The following B3GALT1 variants were observed in gnomAD, a reference collection of about 807,000 sequenced individuals.
B3GALT1 encodes beta-1,3-galactosyltransferase 1.
Under a neutral mutation model 23.2 loss-of-function variants are expected in B3GALT1, and 10 were observed. The observed-to-expected ratio is 0.43, with a 90% CI of 0.27 to 0.73. The LOEUF (loss-of-function observed/expected upper bound fraction) is 0.73. Ranked by LOEUF, B3GALT1 falls within the 30% of genes least tolerant of loss-of-function variation. The pLI is 0.21. For synonymous variants in B3GALT1, 156 were observed against 141.5 expected (o/e 1.10, Z -0.73); for missense variants, 299 against 405.4 (o/e 0.74, Z 2.25).
chr2:167,652,741 G>A (rs1685888998), intron 3 of B3GALT1, among the ~76,000 whole-genome samples: 1 of 152,020 alleles, frequency 6.6e-6, no homozygotes, highest in African/African-American at 2.4e-5. Flanking sequence ...TGCTTTTTCA[G>A]GCCAGACCCA....
intron 4 of B3GALT1, among the ~76,000 whole-genome samples, chr2:167,846,949 C>A (rs1689774084): frequency 6.6e-6 from 1 of 152,144 alleles, no homozygotes; most frequent in Non-Finnish European, 1.5e-5. Context: ...ATGAGCAGGA[C>A]TAGCTATTCT....
chr2:167,829,671 T>C lies in B3GALT1; in HGVS notation c.-230+10878T>C, dbSNP rs113033439. ...GAAAAGTCTCAGTTGATGCCTTTCC[T>C]TCTCTCCTCCTTTGTTGATATCCTT... On this transcript the variant is annotated intron_variant, in intron 4 of 4. Transcript: ENST00000392690. Among the ~76,000 whole-genome samples, 543 of 152,298 alleles carry C rather than the reference T, an allele frequency of 3.6e-3. 4 individuals carry two copies. Among genetic ancestry groups the C allele is most frequent in the African/African-American group, 0.012 (511 of 41,552 alleles).
At chr2:167,772,068 A>G (rs1688080857) in intron 3 of B3GALT1, among the ~76,000 whole-genome samples, 1 of 152,186 alleles carries the variant, frequency 6.6e-6, no homozygotes, top group African/African-American at 2.4e-5. Context: ...GGGCTCACTA[A>G]TGACTGACGG....
At chr2:167,785,420 G>T (rs1004369) in intron 3 of B3GALT1, among the ~76,000 whole-genome samples, 42,922 of 151,958 alleles carry the variant, frequency 0.28, 7,416 homozygotes, top group African/African-American at 0.48. Flanking sequence ...GTATTTGTTT[G>T]CAGATTTCAG....
intron 3 of B3GALT1, among the ~76,000 whole-genome samples, chr2:167,718,558 A>C (rs1473397278): frequency 6.6e-6 from 1 of 152,234 alleles, no homozygotes; most frequent in Admixed American, 6.5e-5. Flanking sequence ...AGATAGTTTA[A>C]CAAGATACAA....
At chr2:167,426,397 C>T (rs949589261) in intron 1 of B3GALT1, among the ~76,000 whole-genome samples, 5 of 151,724 alleles carry the variant, frequency 3.3e-5, no homozygotes, top group South Asian at 2.1e-4. Flanking sequence ...GGCTCTGCCT[C>T]GCGAGTAGCT....
At chr2:167,375,333 T>C (rs189825231) in intron 1 of B3GALT1, among the ~76,000 whole-genome samples, 98 of 152,280 alleles carry the variant, frequency 6.4e-4, no homozygotes, top group African/African-American at 2.4e-3. Context: ...TCTTTTTTAG[T>C]TCCATATGAA....
rs1688070116 is a variant in B3GALT1, at chr2:167,771,374, G to C, written c.-351-47298G>C. ...GGAGGCCGAGGCGGGCAGCTCACTTGAGGTCAACAGTTTGAGACCAGCCTG... is the reference window on the plus strand; with the variant it reads ...GGAGGCCGAGGCGGGCAGCTCACTTCAGGTCAACAGTTTGAGACCAGCCTG... On this transcript the variant is annotated intron_variant, in intron 3 of 4. Coordinates refer to ENST00000392690, the MANE Select transcript of B3GALT1 (RefSeq NM_020981.4). 1.3e-5 allele frequency among the ~76,000 whole-genome samples: 2 copies of C among 152,144 alleles called. 1 individual carries two copies. The highest frequency in any genetic ancestry group is 4.1e-4 in the South Asian group (2 of 4,820).
In B3GALT1 at chr2:167,781,209, T is replaced by G. The variant is rs189667008; in HGVS notation, c.-351-37463T>G. The stretch of plus-strand genomic sequence containing the variant: ...AATAAGCCCTACTAAGAATTTTTAG[T>G]ATTTTTTAATACTCAGAGTTCTTTA... On this transcript the variant is annotated intron_variant, in intron 3 of 4. Coordinates refer to ENST00000392690, the MANE Select transcript of B3GALT1 (RefSeq NM_020981.4). Among the ~76,000 whole-genome samples the G allele has an allele frequency of 2.9e-3, 440 of 152,306 alleles. 3 individuals are homozygous for G. The highest frequency in any genetic ancestry group is 0.01 in the African/African-American group (416 of 41,562).
chr2:167,706,945 A>G (rs1410969052), intron 3 of B3GALT1, among the ~76,000 whole-genome samples: 4 of 152,252 alleles, frequency 2.6e-5, no homozygotes, highest in Non-Finnish European at 4.4e-5. Flanking sequence ...GGTAATAACA[A>G]TGTCGCATTT....
intron 3 of B3GALT1, among the ~76,000 whole-genome samples, chr2:167,818,202 A>T (rs1689035742): frequency 6.6e-6 from 1 of 152,114 alleles, no homozygotes; most frequent in South Asian, 2.1e-4. Flanking sequence ...AAAGTACAAA[A>T]CTCAAAATAT....
At chr2:167,396,325 G>C (rs904935060) in intron 1 of B3GALT1, among the ~76,000 whole-genome samples, 2 of 151,968 alleles carry the variant, frequency 1.3e-5, no homozygotes, top group Non-Finnish European at 2.9e-5. Flanking sequence ...ATTTTCTTTG[G>C]CAACACACTT....
chr2:167,464,014 A>C (rs962142921), intron 1 of B3GALT1, among the ~76,000 whole-genome samples: 1 of 152,190 alleles, frequency 6.6e-6, no homozygotes, highest in Non-Finnish European at 1.5e-5. Context: ...GCTCTGCCTT[A>C]CTCAGGTCTG....
chr2:167,764,540 T>C (rs1558971820), intron 3 of B3GALT1, among the ~76,000 whole-genome samples: 1 of 152,208 alleles, frequency 6.6e-6, no homozygotes, highest in Non-Finnish European at 1.5e-5. Context: ...CAACAAAGCA[T>C]TCATTTTTAT....
chr2:167,809,543 G>T (rs1216569437), intron 3 of B3GALT1, among the ~76,000 whole-genome samples: 2 of 152,192 alleles, frequency 1.3e-5, no homozygotes, highest in African/African-American at 4.8e-5. Context: ...GTTTGCTGGA[G>T]GTCTACTCCA....
At chr2:167,762,040 G>A (rs1687905981) in intron 3 of B3GALT1, among the ~76,000 whole-genome samples, 1 of 152,132 alleles carries the variant, frequency 6.6e-6, no homozygotes, top group Non-Finnish European at 1.5e-5. Context: ...AATTATCGGA[G>A]GGTGTAATTT....
At chr2:167,476,758 A>G (rs950702601) in intron 1 of B3GALT1, among the ~76,000 whole-genome samples, 1 of 152,202 alleles carries the variant, frequency 6.6e-6, no homozygotes, top group Non-Finnish European at 1.5e-5. Context: ...TGAACAATTC[A>G]TTTCATCATC....
chr2:167,804,380 G>T (rs1688704997), intron 3 of B3GALT1, among the ~76,000 whole-genome samples: 1 of 151,700 alleles, frequency 6.6e-6, no homozygotes, highest in African/African-American at 2.4e-5. Context: ...ACAATGTGCA[G>T]GTTAGTTACA....
rs565788711 is a variant in B3GALT1 at position 167,834,487 on chromosome 2, A to G, written c.-230+15694A>G. On this transcript the variant is annotated intron_variant, in intron 4 of 4. Coordinates refer to ENST00000392690, the MANE Select transcript of B3GALT1 (RefSeq NM_020981.4). ...TTTCCAGAAGATGACAAGTCTCCTAATAGAGACTTCAGTTCTAGGTTAGAT... is the reference window on the plus strand; with the variant it reads ...TTTCCAGAAGATGACAAGTCTCCTAGTAGAGACTTCAGTTCTAGGTTAGAT... Among the ~76,000 whole-genome samples the G allele has an allele frequency of 3.9e-5, 6 of 152,324 alleles. No individual in the cohort carries two copies. In the South Asian group the frequency reaches 1.2e-3, roughly 32 times the overall value.
Sources: allele counts gnomAD v4.1 joint callset (sites outside exome capture counted in the v4.1 genomes callset), GRCh38; gene constraint gnomAD v4.1.1; transcripts MANE v1.5; gene names NCBI Gene and HGNC (gene_info 2026-07-23, HGNC 2026-07-21).